TCF20: variants seen among roughly 807,000 people sequenced by gnomAD.
TCF20 encodes the protein transcription factor 20, also known as SPRE-binding protein.
Under a neutral mutation model 148.6 loss-of-function variants are expected in TCF20, and 3 were observed. The ratio of observed to expected loss-of-function variants is 0.02; its 90% confidence interval spans 0.01 to 0.05. The LOEUF is 0.05. Among genes scored for constraint, TCF20 ranks in the 10% least tolerant of loss-of-function variants. TCF20 has a pLI of 1.00. For synonymous variants in TCF20, 1,049 were observed against 909.5 expected (o/e 1.15, Z -2.76); for missense variants, 2,350 against 2,429.3 (o/e 0.97, Z 0.69).
intron 1 of TCF20, among the ~76,000 whole-genome samples, chr22:42,308,059 T>C (rs2147039274): frequency 6.6e-6 from 1 of 152,330 alleles, no homozygotes; most frequent in South Asian, 2.1e-4. Context: ...ATGCATTCCC[T>C]CCTAACAGCA....
At chr22:42,193,370 T>C (rs1243052073) in intron 2 of TCF20, among the ~76,000 whole-genome samples, 1 of 151,228 alleles carries the variant, frequency 6.6e-6, no homozygotes, top group Non-Finnish European at 1.5e-5. Context: ...GAGCTTTGAT[T>C]GTGCCACTGT....
chr22:42,235,959 C>T (rs939769805), intron 1 of TCF20, among the ~76,000 whole-genome samples: 4 of 152,070 alleles, frequency 2.6e-5, no homozygotes, highest in Non-Finnish European at 5.9e-5. Flanking sequence ...TTTGGGAGGC[C>T]GAGGCAGGCA....
intron 2 of TCF20, among the ~76,000 whole-genome samples, chr22:42,207,362 T>A (rs1938454651): frequency 6.6e-6 from 1 of 151,260 alleles, no homozygotes; most frequent in South Asian, 2.1e-4. Context: ...AAAAAAAAAA[T>A]GTTTTTTTTT....
intron 1 of TCF20, among the ~76,000 whole-genome samples, chr22:42,229,274 G>A (rs1299220802): frequency 6.6e-6 from 1 of 152,122 alleles, no homozygotes; most frequent in African/African-American, 2.4e-5. Flanking sequence ...ACACAGCTGT[G>A]GGAGCAGAGG....
Position 42,231,928 on chromosome 22 carries a change from C to CAAAAAAAA in TCF20, c.-36-16595_-36-16588dup, listed in dbSNP as rs55642530. ...TGGGCGACAGAGAGAGACTCCGTCT[C>CAAAAAAAA]AAAAAAAAAAAAAAAAAAGTTACAG... On this transcript the variant is annotated intron_variant, in intron 1 of 5. Coordinates refer to ENST00000677622, the MANE Select transcript of TCF20 (RefSeq NM_001378418.1). Among the ~76,000 whole-genome samples, 261 of 123,252 alleles carry CAAAAAAAA rather than the reference C, an allele frequency of 2.1e-3. 2 individuals are homozygous for CAAAAAAAA. Among genetic ancestry groups the CAAAAAAAA allele is most frequent in the African/African-American group, 6.5e-3 (207 of 31,770 alleles). The allele number at this position is 123,252 out of a possible 152,430, so 80.9% of individuals were successfully genotyped here.
At chr22:42,240,589 T>C (rs528592875) in intron 1 of TCF20, among the ~76,000 whole-genome samples, 7 of 152,146 alleles carry the variant, frequency 4.6e-5, no homozygotes, top group Non-Finnish European at 8.8e-5. Context: ...CTGAAAAAGA[T>C]GGAAATCCAA....
chr22:42,333,110 T>C (rs943240136), intron 1 of TCF20, among the ~76,000 whole-genome samples: 20 of 152,276 alleles, frequency 1.3e-4, no homozygotes, highest in Admixed American at 1.2e-3. Context: ...CCTCTCTTAA[T>C]CTCTGTTTTT....
At chr22:42,313,590 A>ATTCT (rs1191019077) in intron 1 of TCF20, among the ~76,000 whole-genome samples, 1,579 of 138,698 alleles carry the variant, frequency 0.011, 41 homozygotes, top group African/African-American at 0.041. Context: ...CCTCAACAGA[A>ATTCT]TTCTTTCTTT....
intron 1 of TCF20, among the ~76,000 whole-genome samples, chr22:42,267,059 C>T (rs537049201): frequency 6.6e-6 from 1 of 151,578 alleles, no homozygotes; most frequent in Non-Finnish European, 1.5e-5. Flanking sequence ...CACCTGAGGT[C>T]GAGTTTGAGA....
chr22:42,226,700 T>G (rs941692447), intron 1 of TCF20, among the ~76,000 whole-genome samples: 1 of 152,118 alleles, frequency 6.6e-6, no homozygotes, highest in African/African-American at 2.4e-5. Flanking sequence ...CAGAGTGAGA[T>G]TCTGTCTCTT....
intron 1 of TCF20, among the ~76,000 whole-genome samples, chr22:42,316,648 G>A (rs1927637175): frequency 1.0e-5 from 1 of 99,460 alleles, no homozygotes; most frequent in African/African-American, 5.4e-5. Context: ...ATGTTGGCCA[G>A]GCTGGTCCTG....
At chr22:42,322,218 C>T (rs1433579716) in intron 1 of TCF20, among the ~76,000 whole-genome samples, 2 of 151,814 alleles carry the variant, frequency 1.3e-5, no homozygotes, top group East Asian at 1.9e-4. Context: ...TTCATTCATT[C>T]GTTCACTCGG....
At chr22:42,232,469 T>C (rs1215692523) in intron 1 of TCF20, among the ~76,000 whole-genome samples, 1 of 151,996 alleles carries the variant, frequency 6.6e-6, no homozygotes, top group African/African-American at 2.4e-5. Flanking sequence ...ACGACTGATA[T>C]TCATTCAACT....
chr22:42,270,655 G>A (rs1926566001), upstream of TCF20, among the ~76,000 whole-genome samples: 1 of 143,652 alleles, frequency 7.0e-6, no homozygotes, highest in African/African-American at 2.5e-5. Flanking sequence ...GGAAATAACA[G>A]AGCGTCAGGT....
In TCF20 at chr22:42,161,972, C is replaced by CTTTTTTTTTTTTTTTTTT. The variant is rs3045573; in HGVS notation, c.*45-632_*45-615dup. 1.1e-4 allele frequency among the ~76,000 whole-genome samples: 8 copies of CTTTTTTTTTTTTTTTTTT among 75,030 alleles called. 2 individuals carry two copies. Among genetic ancestry groups the CTTTTTTTTTTTTTTTTTT allele is most frequent in the African/African-American group, 5.1e-4 (8 of 15,666 alleles). 49.2% of individuals were successfully genotyped at this position (75,030 alleles called of 152,430 possible). On this transcript the variant is annotated intron_variant, in intron 5 of 5. Coordinates refer to ENST00000677622, the MANE Select transcript of TCF20 (RefSeq NM_001378418.1). Reference sequence around the variant, plus strand: ...GCCACCATGCTTGGCTAATGACAGTCTTTTTTTTTTTTTTTTTTTTTTTTT... The same window carrying CTTTTTTTTTTTTTTTTTT: ...GCCACCATGCTTGGCTAATGACAGTCTTTTTTTTTTTTTTTTTTTTTTTTTTTTTTTTTTTTTTTTTTT...
intron 1 of TCF20, among the ~76,000 whole-genome samples, chr22:42,316,036 AGGC>A (rs1411020480): frequency 7.2e-6 from 1 of 139,576 alleles, no homozygotes; most frequent in African/African-American, 2.7e-5. Context: ...TGAACCCAGG[AGGC>A]GGAGGTTGCA....
intron 1 of TCF20, among the ~76,000 whole-genome samples, chr22:42,313,765 C>T (rs911804230): frequency 6.6e-6 from 1 of 152,032 alleles, no homozygotes; most frequent in African/African-American, 2.4e-5. Flanking sequence ...ACGCCCAGCT[C>T]ACTTTTGTAT....
At position 42,279,160 on chromosome 22, in the gene TCF20, C is replaced by T. The variant is rs375355118; in HGVS notation, c.-37+4667G>A. ...TTACCCGTCCTGCCTCAGATGGACT[C>T]CCAGCATCATCATCTGCCTCTGTGC... On this transcript the variant is annotated intron_variant, in intron 1 of 5. Coordinates refer to the TCF20 transcript ENST00000359486. This position sits in a 1 kb window ranked among gnomAD's most constrained non-coding sequence, Gnocchi z 4.3. Among the ~76,000 whole-genome samples the T allele has an allele frequency of 6.6e-6, 1 of 152,296 alleles. No individual in the cohort carries two copies. The highest frequency in any genetic ancestry group is 2.4e-5 in the African/African-American group (1 of 41,560).
At chr22:42,178,012 G>C (rs576931926) in intron 3 of TCF20, among the ~76,000 whole-genome samples, 100 of 152,178 alleles carry the variant, frequency 6.6e-4, no homozygotes, top group African/African-American at 2.1e-3. Flanking sequence ...AAGGACAGAG[G>C]GGGTGAAGAT....
Sources: allele counts gnomAD v4.1 joint callset (sites outside exome capture counted in the v4.1 genomes callset), GRCh38; gene constraint gnomAD v4.1.1; non-coding constraint Gnocchi (gnomAD v3.1); transcripts MANE v1.5; gene names NCBI Gene and HGNC (gene_info 2026-07-23, HGNC 2026-07-21).